The following PCSK5 variants were observed in gnomAD, a reference collection of about 807,000 sequenced individuals.
The protein encoded by PCSK5 is proprotein convertase subtilisin/kexin type 5, also known as prohormone convertase 5.
PCSK5 carries 129 observed loss-of-function variants against 233.2 expected under a neutral mutation model. That is an observed-to-expected ratio of 0.55 (90% CI 0.48 to 0.64). The LOEUF (loss-of-function observed/expected upper bound fraction) is 0.64, where lower values mean the gene tolerates loss of function less well. Among genes scored for constraint, PCSK5 ranks in the 30% least tolerant of loss-of-function variants. PCSK5 has a pLI of 0.00. For missense variants in PCSK5, 2,076 were observed against 2,430.1 expected (o/e 0.85, Z 3.06); for synonymous variants, 825 against 879.2 (o/e 0.94, Z 1.09).
At chr9:75,987,257 T>C (rs1826556284) in intron 3 of PCSK5, among the ~76,000 whole-genome samples, 1 of 152,152 alleles carries the variant, frequency 6.6e-6, no homozygotes, top group African/African-American at 2.4e-5. Flanking sequence ...AACCCACACC[T>C]GAGGCTGACT....
chr9:76,204,420 CTTTCTT>C (rs1348708618), intron 20 of PCSK5, among the ~76,000 whole-genome samples: 2 of 152,078 alleles, frequency 1.3e-5, no homozygotes, highest in African/African-American at 4.8e-5. Flanking sequence ...TTTCATTTTT[CTTTCTT>C]TTTCTTTCTT....
intron 2 of PCSK5, among the ~76,000 whole-genome samples, chr9:75,950,690 C>A (rs1466702825): frequency 6.6e-6 from 1 of 152,134 alleles, no homozygotes; most frequent in Non-Finnish European, 1.5e-5. Flanking sequence ...CTGAAGGAAG[C>A]ACTAAACATG....
rs1830380187 is a variant in PCSK5 at position 76,359,189 on chromosome 9, C to G, written c.*267C>G. On this transcript the variant is annotated 3_prime_UTR_variant, in exon 38 of 38. Coordinates refer to ENST00000674117, the MANE Select transcript of PCSK5 (RefSeq NM_001372043.1). Reference sequence around the variant, plus strand: ...TTTTCCTCAAAATAATGTGTTAAGACACAAAAATGAAGGAAGTGAAAACAA... The same window carrying G: ...TTTTCCTCAAAATAATGTGTTAAGAGACAAAAATGAAGGAAGTGAAAACAA... 9.3e-6 allele frequency: 4 copies of G among 431,184 alleles called. No homozygotes were observed. The highest frequency in any genetic ancestry group is 1.7e-5 in the Non-Finnish European group (4 of 238,098). The allele number at this position is 431,184 out of a possible 1,614,324, so 26.7% of individuals were successfully genotyped here.
At chr9:76,265,745 A>G (rs1027822403) in intron 24 of PCSK5, among the ~76,000 whole-genome samples, 1 of 152,218 alleles carries the variant, frequency 6.6e-6, no homozygotes, top group African/African-American at 2.4e-5. Context: ...TCTTAATTTC[A>G]AATAGTTCCA....
chr9:76,219,333 C>T (rs552622389), intron 20 of PCSK5, among the ~76,000 whole-genome samples: 1 of 152,166 alleles, frequency 6.6e-6, no homozygotes, highest in East Asian at 1.9e-4. Context: ...GCAGAGAAAG[C>T]CACACTGCAG....
At chr9:75,977,825 T>C (rs1826095375) in intron 2 of PCSK5, among the ~76,000 whole-genome samples, 1 of 151,954 alleles carries the variant, frequency 6.6e-6, no homozygotes, top group Admixed American at 6.6e-5. Flanking sequence ...TTGGCCAGGC[T>C]GGTCTCGAGC....
chr9:76,298,286 A>G (rs1029983344), intron 27 of PCSK5, among the ~76,000 whole-genome samples: 2 of 151,772 alleles, frequency 1.3e-5, no homozygotes, highest in East Asian at 3.9e-4. Flanking sequence ...CACCACACCC[A>G]CCCCTCCACA....
chr9:76,301,978 A>AC (rs35591406), intron 27 of PCSK5, among the ~76,000 whole-genome samples, 159 bp from the exon 28 acceptor site: 65,043 of 151,920 alleles, frequency 0.43, 15,390 homozygotes, highest in East Asian at 0.87. Context: ...CTATACATAG[A>AC]TGTAATTATA....
chr9:76,046,175 T>TTTTTG (rs1829376352), intron 5 of PCSK5, among the ~76,000 whole-genome samples: 1 of 112,540 alleles, frequency 8.9e-6, no homozygotes. Context: ...TTTTTTTTTT[T>TTTTTG]TTTTTTTTTT....
At chr9:76,155,576 A>G (rs568330919) in intron 10 of PCSK5, among the ~76,000 whole-genome samples, 5 of 152,302 alleles carry the variant, frequency 3.3e-5, no homozygotes, top group Admixed American at 3.3e-4. Context: ...GCCTGATAAC[A>G]GTGTGTGGTA....
chr9:76,351,504 GAAA>G lies in PCSK5; in HGVS notation c.5067+577_5067+579del, dbSNP rs1564196796. Among the ~76,000 whole-genome samples, 22 of 105,960 alleles carry G rather than the reference GAAA, an allele frequency of 2.1e-4. 3 individuals are homozygous for G. Among genetic ancestry groups the G allele is most frequent in the African/African-American group, 6.4e-4 (19 of 29,598 alleles). 69.5% of individuals were successfully genotyped at this position (105,960 alleles called of 152,430 possible). On this transcript the variant is annotated intron_variant, in intron 36 of 37. Coordinates refer to ENST00000674117, the MANE Select transcript of PCSK5 (RefSeq NM_001372043.1). ...AGAAAGAAAGAAAGAAAGAAAGAAA[GAAA>G]GAAAGAAAGAAAGAAAGAAAGAAAG...
Position 76,219,864 on chromosome 9 carries a change from AATT to A in PCSK5, c.2627-7636_2627-7634del, listed in dbSNP as rs558613996. On this transcript the variant is annotated intron_variant, in intron 20 of 37. Transcript: ENST00000674117. ...GAAAGATAAATAAGTTATTCTGTCA[AATT>A]ATGCTCACTTATTTCTGTCAACATG... Among the ~76,000 whole-genome samples the A allele has an allele frequency of 4.1e-3, 618 of 152,312 alleles. 2 individuals carry two copies. Among genetic ancestry groups the A allele is most frequent in the Non-Finnish European group, 7.2e-3 (489 of 68,018 alleles).
At chr9:76,237,020 A>G (rs1396601785) in intron 22 of PCSK5, among the ~76,000 whole-genome samples, 1 of 152,204 alleles carries the variant, frequency 6.6e-6, no homozygotes, top group African/African-American at 2.4e-5. Flanking sequence ...GAGAAGAGGT[A>G]GACTTCCTCA....
At chr9:75,931,271 A>G (rs62555890) in intron 1 of PCSK5, among the ~76,000 whole-genome samples, 1 of 144,972 alleles carries the variant, frequency 6.9e-6, no homozygotes, top group African/African-American at 2.5e-5. Flanking sequence ...TTTTTTTTAA[A>G]TTAGGAAAGC....
At chr9:76,233,865 G>A (rs552972202) in intron 22 of PCSK5, among the ~76,000 whole-genome samples, 7 of 152,000 alleles carry the variant, frequency 4.6e-5, no homozygotes, top group African/African-American at 7.3e-5. Context: ...AGAGAAGGAC[G>A]TAGAAGCATG....
intron 35 of PCSK5, among the ~76,000 whole-genome samples, chr9:76,348,697 T>C (rs968922058): frequency 3.9e-5 from 6 of 152,286 alleles, no homozygotes; most frequent in African/African-American, 1.4e-4. Flanking sequence ...CAATACATTA[T>C]TGTTAATTAT....
intron 17 of PCSK5, among the ~76,000 whole-genome samples, chr9:76,186,049 C>T (rs1439975638): frequency 6.6e-6 from 1 of 151,924 alleles, no homozygotes; most frequent in Non-Finnish European, 1.5e-5. Context: ...TGCCAGTAAC[C>T]ACATTAAGAG....
At chr9:76,000,732 C>T (rs750226033) in intron 3 of PCSK5, among the ~76,000 whole-genome samples, 2 of 152,104 alleles carry the variant, frequency 1.3e-5, no homozygotes, top group Non-Finnish European at 2.9e-5. Context: ...TCATTGAAGT[C>T]GTAAACCTGT....
intron 24 of PCSK5, among the ~76,000 whole-genome samples, chr9:76,248,484 T>G (rs1826690692): frequency 6.6e-6 from 1 of 152,138 alleles, no homozygotes; most frequent in Non-Finnish European, 1.5e-5. Flanking sequence ...TCAGCTGTCA[T>G]GTATTTCAGG....
Sources: gnomAD v4.1 joint callset for allele counts (sites outside exome capture counted in the v4.1 genomes callset) on GRCh38, gnomAD v4.1.1 for gene constraint, MANE v1.5 for transcripts, NCBI Gene and HGNC (gene_info 2026-07-23, HGNC 2026-07-21) for gene names.